PKP1: variants seen among roughly 807,000 people sequenced by gnomAD.
PKP1 encodes the protein plakophilin 1.
In PKP1, 27 loss-of-function variants were observed where a neutral mutation model predicts 76.4. The observed-to-expected ratio is 0.35, with a 90% CI of 0.26 to 0.49. The LOEUF (loss-of-function observed/expected upper bound fraction) is 0.49, where lower values mean the gene tolerates loss of function less well. Ranked by LOEUF, PKP1 falls within the 20% of genes least tolerant of loss-of-function variation. The pLI is 0.99. For synonymous variants in PKP1, 404 were observed against 384.2 expected (o/e 1.05, Z -0.60); for missense variants, 964 against 955.2 (o/e 1.01, Z -0.12).
chr1:201,313,827 G>A (rs1656642275), intron 3 of PKP1, among the ~76,000 whole-genome samples: 1 of 152,222 alleles, frequency 6.6e-6, no homozygotes, highest in South Asian at 2.1e-4. Context: ...AACAGAAAGA[G>A]GCTAATAGTT....
At position 201,325,076 on chromosome 1, in the gene PKP1, A is replaced by C. The variant is rs771897498; in HGVS notation, c.1970A>C (p.Gln657Pro). Residue 657 changes from glutamine (Q) to proline (P), a missense_variant, in exon 11 of 14, where the codon CAG becomes CCG. Transcript: ENST00000367324. Reference protein sequence around the residue: ...LMASQPQLAKQYFSSSMLNNI... With the variant: ...LMASQPQLAKPYFSSSMLNNI... The stretch of plus-strand genomic sequence containing the variant: ...GCCTCGCAGCCACAACTGGCCAAGC[A>C]GTACTTCTCCAGCAGCATGCTCAAC... 3.1e-6 allele frequency: 5 copies of C among 1,613,942 alleles called. No individual in the cohort carries two copies. The African/African-American group carries it at 5.3e-5, about 17-fold the overall frequency.
chr1:201,307,667 A>G lies in PKP1; in HGVS notation c.307-5499A>G, dbSNP rs567357551. Among the ~76,000 whole-genome samples the G allele has an allele frequency of 5.9e-5, 9 of 152,330 alleles. No individual in the cohort carries two copies. The East Asian group carries it at 1.7e-3, about 29-fold the overall frequency. On this transcript the variant is annotated intron_variant, in intron 2 of 13. Coordinates refer to ENST00000367324, the MANE Select transcript of PKP1 (RefSeq NM_001005337.3). ...CCCAGTCCTGACTGAAATCCCAGCA[A>G]GATGAACAAGGGTCACTACATGCCT...
At chr1:201,329,510 G>T (rs749164446) in intron 13 of PKP1, among the ~76,000 whole-genome samples, 1 of 152,162 alleles carries the variant, frequency 6.6e-6, no homozygotes, top group Non-Finnish European at 1.5e-5. Flanking sequence ...TTTCTGATGC[G>T]GGTAAACTGA....
chr1:201,298,454 C>T (rs887025464), intron 2 of PKP1, among the ~76,000 whole-genome samples: 20 of 152,272 alleles, frequency 1.3e-4, no homozygotes, highest in African/African-American at 4.1e-4. Context: ...TCAAGAAGTG[C>T]ACCCTGAGCA....
In PKP1 at chr1:201,332,452, G is replaced by C. The variant is rs1282479994; in HGVS notation, c.*2411G>C. 1 of 152,266 alleles carries C rather than the reference G, an allele frequency of 6.6e-6. No individual in the cohort carries two copies. Among genetic ancestry groups the C allele is most frequent in the Non-Finnish European group, 1.5e-5 (1 of 68,082 alleles). The allele number at this position is 152,266 out of a possible 1,614,324, so 9.4% of individuals were successfully genotyped here. ...CTTTGAGAGGGGCAAAACTGAGAGG[G>C]GCTTTTCCTAGAGAAAGAGAACAAG... On this transcript the variant is annotated 3_prime_UTR_variant, in exon 14 of 14. Coordinates refer to ENST00000367324, the MANE Select transcript of PKP1 (RefSeq NM_001005337.3).
intron 6 of PKP1, among the ~76,000 whole-genome samples, chr1:201,319,436 A>G (rs1772826): frequency 0.8 from 122,167 of 152,016 alleles, 51,039 homozygotes; most frequent in East Asian, 0.99. Flanking sequence ...CTTTAATGGG[A>G]TTTGTCTTTC....
chr1:201,302,854 GGCTGCCGA>G (rs1312259645), intron 2 of PKP1, among the ~76,000 whole-genome samples: 5 of 141,760 alleles, frequency 3.5e-5, no homozygotes, highest in South Asian at 2.1e-4. Flanking sequence ...GTGAATCACA[GGCTGCCGA>G]ACTGCCGAAC....
At chr1:201,319,121 TATC>T (rs10617371) in intron 6 of PKP1, among the ~76,000 whole-genome samples, 121,924 of 151,948 alleles carry the variant, frequency 0.8, 50,877 homozygotes, top group East Asian at 0.99. Context: ...TTTCTTGTGC[TATC>T]ATCTTGAAGA....
At chr1:201,325,563 G>C (rs1438322008) in intron 11 of PKP1, among the ~76,000 whole-genome samples, 191 bp from the exon 12 acceptor site, 1 of 152,084 alleles carries the variant, frequency 6.6e-6, no homozygotes, top group Non-Finnish European at 1.5e-5. Flanking sequence ...CAGGGGCATG[G>C]GGTTGTGCCC....
intron 1 of PKP1, among the ~76,000 whole-genome samples, chr1:201,292,247 T>C (rs541592453): frequency 4.6e-5 from 7 of 152,228 alleles, no homozygotes; most frequent in African/African-American, 1.4e-4. Context: ...CACGTGTCAC[T>C]ATCATCACAC....
At position 201,332,014 on chromosome 1, in the gene PKP1, A is replaced by C. The variant is rs1278264118; in HGVS notation, c.*1973A>C. 1 of 152,290 alleles carries C rather than the reference A, an allele frequency of 6.6e-6. No individual in the cohort carries two copies. Among genetic ancestry groups the C allele is most frequent in the Non-Finnish European group, 1.5e-5 (1 of 68,092 alleles). 9.4% of individuals were successfully genotyped at this position (152,290 alleles called of 1,614,324 possible). A position where few individuals can be genotyped will look rare whatever the true frequency, so the allele number is the denominator to read the frequency against. ...ATCTGTGCGGGGCAGTGTCCTAAGC[A>C]CTTAGACTACATCAGGGAAGAACAC... On this transcript the variant is annotated 3_prime_UTR_variant, in exon 14 of 14. Transcript: ENST00000367324.
chr1:201,316,139 G>GACGT (rs1656733726), intron 3 of PKP1: 1 of 66,220 alleles, frequency 1.5e-5, no homozygotes, highest in African/African-American at 1.2e-4. Flanking sequence ...CGGACGGACG[G>GACGT]ATGGACGGAC....
chr1:201,287,588 C>CT (rs1571536872), intron 1 of PKP1, among the ~76,000 whole-genome samples: 2 of 152,230 alleles, frequency 1.3e-5, no homozygotes, highest in Admixed American at 6.5e-5. Context: ...TGAACCAATT[C>CT]TTGTTTCTTT....
chr1:201,296,257 TC>T (rs2102157044), intron 2 of PKP1, among the ~76,000 whole-genome samples: 1 of 152,174 alleles, frequency 6.6e-6, no homozygotes, highest in South Asian at 2.1e-4. Context: ...AGACATATAA[TC>T]AGATGAAACC....
rs1035146172 is a variant in PKP1, at chr1:201,323,285, C to T, written c.1680+96C>T. 26 of 1,189,216 alleles carry T rather than the reference C, an allele frequency of 2.2e-5. No individual in the cohort carries two copies. The African/African-American group carries it at 3.6e-4, about 16-fold the overall frequency. 73.7% of individuals were successfully genotyped at this position (1,189,216 alleles called of 1,614,324 possible). ...CTTTTCCCCCCAGCCTGTCCCCTGA[C>T]TTCGGAGCCTCCCATGAGCAGAGTG... On this transcript the variant is annotated intron_variant, in intron 9 of 13. Coordinates refer to ENST00000367324, the MANE Select transcript of PKP1 (RefSeq NM_001005337.3).
chr1:201,329,123 T>A (rs1427751926), intron 13 of PKP1, among the ~76,000 whole-genome samples: 2 of 152,158 alleles, frequency 1.3e-5, no homozygotes, highest in Non-Finnish European at 2.9e-5. Context: ...TAGGTACAAA[T>A]GTGTGGGTTG....
At position 201,325,702 on chromosome 1, in the gene PKP1, T is replaced by C. The variant is rs1355420684; in HGVS notation, c.2022-52T>C. ...GGGGTGGGAGGGAAGAGGGTGCTCC[T>C]TCTCACACCTCCTGGAATCTCATCT... On this transcript the variant is annotated intron_variant, in intron 11 of 13. Coordinates refer to ENST00000367324, the MANE Select transcript of PKP1 (RefSeq NM_001005337.3). The C allele has an allele frequency of 3.6e-6, 5 of 1,404,778 alleles. No individual in the cohort carries two copies. In the Admixed American group the frequency reaches 6.7e-5, roughly 19 times the overall value. The allele number at this position is 1,404,778 out of a possible 1,614,324, so 87.0% of individuals were successfully genotyped here.
intron 1 of PKP1, among the ~76,000 whole-genome samples, chr1:201,293,381 A>T (rs1413956603): frequency 1.3e-5 from 2 of 152,124 alleles, no homozygotes; most frequent in Non-Finnish European, 2.9e-5. Context: ...TGGGCCTTTG[A>T]GGTTGATCGC....
chr1:201,330,736 C>A lies in PKP1; in HGVS notation c.*695C>A, dbSNP rs1208540836. 1 of 152,236 alleles carries A rather than the reference C, an allele frequency of 6.6e-6. No individual in the cohort carries two copies. Among genetic ancestry groups the A allele is most frequent in the African/African-American group, 2.4e-5 (1 of 41,434 alleles). 9.4% of individuals were successfully genotyped at this position (152,236 alleles called of 1,614,324 possible). A position where few individuals can be genotyped will look rare whatever the true frequency, so the allele number is the denominator to read the frequency against. ...TGGGGTGTCTGTAATGTCACCCCTCCAGCAGCGCCACAAGGACTGAGGTTG... is the reference window on the plus strand; with the variant it reads ...TGGGGTGTCTGTAATGTCACCCCTCAAGCAGCGCCACAAGGACTGAGGTTG... On this transcript the variant is annotated 3_prime_UTR_variant, in exon 14 of 14. Transcript: ENST00000367324.
Sources: gnomAD v4.1 joint callset for allele counts (sites outside exome capture counted in the v4.1 genomes callset) on GRCh38, gnomAD v4.1.1 for gene constraint, MANE v1.5 for transcripts, NCBI Gene and HGNC (gene_info 2026-07-23, HGNC 2026-07-21) for gene names.